PDE4D: variants seen among roughly 807,000 people sequenced by gnomAD.
The protein encoded by PDE4D is phosphodiesterase 4D, also known as 3',5'-cyclic-AMP phosphodiesterase 4D.
In PDE4D, 24 loss-of-function variants were observed where a neutral mutation model predicts 87.4. That is an observed-to-expected ratio of 0.27 (90% CI 0.20 to 0.39). PDE4D has a LOEUF of 0.39. Among genes scored for constraint, PDE4D ranks in the 10% least tolerant of loss-of-function variants. The pLI, the probability that PDE4D is intolerant of heterozygous loss-of-function variation, is 1.00. For missense variants in PDE4D, 714 were observed against 1,041.0 expected (o/e 0.69, Z 4.32); for synonymous variants, 384 against 383.2 (o/e 1.00, Z -0.02).
intron 1 of PDE4D, among the ~76,000 whole-genome samples, chr5:59,295,769 C>T (rs777569754): frequency 6.6e-6 from 1 of 151,760 alleles, no homozygotes; most frequent in Non-Finnish European, 1.5e-5. Flanking sequence ...CTCCATTCTC[C>T]TCCTCCTACC....
chr5:59,185,648 C>A (rs1046440871), intron 3 of PDE4D, among the ~76,000 whole-genome samples: 16 of 152,084 alleles, frequency 1.1e-4, no homozygotes, highest in African/African-American at 3.9e-4. Flanking sequence ...TCCCTACTCC[C>A]AAATCTCTTC....
At chr5:59,650,898 G>A (rs1013038048) in intron 1 of PDE4D, among the ~76,000 whole-genome samples, 14 of 152,230 alleles carry the variant, frequency 9.2e-5, no homozygotes, top group Admixed American at 3.3e-4. Flanking sequence ...CAGCCCAAAT[G>A]AATGTGTTGT....
intron 1 of PDE4D, among the ~76,000 whole-genome samples, chr5:60,363,900 G>A (rs1478518873): frequency 6.6e-6 from 1 of 152,332 alleles, no homozygotes; most frequent in South Asian, 2.1e-4. Context: ...AAGAGCTTCA[G>A]TAGTTCAAGA....
At chr5:60,017,323 G>T (rs769992908) in intron 2 of PDE4D, among the ~76,000 whole-genome samples, 2 of 152,034 alleles carry the variant, frequency 1.3e-5, no homozygotes, top group African/African-American at 4.8e-5. Flanking sequence ...TTGGATACAC[G>T]TGCAGGACAT....
intron 1 of PDE4D, among the ~76,000 whole-genome samples, chr5:60,302,885 C>G (rs994332317): frequency 2.6e-5 from 4 of 152,158 alleles, no homozygotes; most frequent in Admixed American, 6.5e-5. Context: ...GGCTGGAGTG[C>G]AGTGGCACAA....
At chr5:59,742,876 T>C (rs1177633283) in intron 1 of PDE4D, among the ~76,000 whole-genome samples, 2 of 152,216 alleles carry the variant, frequency 1.3e-5, no homozygotes, top group Non-Finnish European at 2.9e-5. Flanking sequence ...TAGTTAATAT[T>C]TATTTTGAAA....
At chr5:60,227,085 A>G (rs77005421) in intron 1 of PDE4D, among the ~76,000 whole-genome samples, 2,694 of 152,256 alleles carry the variant, frequency 0.018, 64 homozygotes, top group African/African-American at 0.053. Context: ...ACATACACAC[A>G]TATGCACATA....
chr5:59,072,322 A>C (rs1764983611), intron 5 of PDE4D, among the ~76,000 whole-genome samples: 1 of 152,126 alleles, frequency 6.6e-6, no homozygotes, highest in African/African-American at 2.4e-5. Flanking sequence ...GGGACTTTCA[A>C]CCTTCGGAAT....
Position 58,972,421 on chromosome 5 carries a change from A to G in PDE4D, c.*2243T>C, listed in dbSNP as rs191053576. The G allele has an allele frequency of 1.3e-5, 2 of 151,948 alleles. No individual in the cohort carries two copies. Among genetic ancestry groups the G allele is most frequent in the African/African-American group, 4.8e-5 (2 of 41,562 alleles). 9.4% of individuals were successfully genotyped at this position (151,948 alleles called of 1,614,324 possible). ...TGTAAAAGATCAGAGTTATAAAGAC[A>G]TAATTTTTATTTCAAAGGATCTAAG... On this transcript the variant is annotated 3_prime_UTR_variant, in exon 15 of 15. Transcript: ENST00000340635.
intron 6 of PDE4D, among the ~76,000 whole-genome samples, chr5:59,024,245 G>C (rs1028424331): frequency 7.6e-6 from 1 of 131,432 alleles, no homozygotes; most frequent in Non-Finnish European, 1.6e-5. Flanking sequence ...CTGTCACCCA[G>C]GCTGGAGTGC....
chr5:59,683,816 A>C (rs1749421641), intron 1 of PDE4D, among the ~76,000 whole-genome samples: 1 of 152,196 alleles, frequency 6.6e-6, no homozygotes, highest in African/African-American at 2.4e-5. Context: ...TGTTTGGTAG[A>C]ATCATACCAT....
intron 1 of PDE4D, among the ~76,000 whole-genome samples, chr5:59,857,851 AAGG>A (rs1447911382): frequency 6.9e-6 from 1 of 145,858 alleles, no homozygotes; most frequent in Non-Finnish European, 1.5e-5. Context: ...AAATGGAGGA[AAGG>A]AGGGAGAGCA....
In PDE4D at chr5:59,706,889, C is replaced by T. The variant is rs186145976; in HGVS notation, c.455+186279G>A. Among the ~76,000 whole-genome samples the T allele has an allele frequency of 6.4e-4, 98 of 152,166 alleles. 2 individuals are homozygous for T. The highest frequency in any genetic ancestry group is 2.3e-3 in the African/African-American group (96 of 41,522). ...TAAAACCTAAAGAAAATGGTATCCACATCAGTGATGCTCAATTGCTTTTTA... is the reference window on the plus strand; with the variant it reads ...TAAAACCTAAAGAAAATGGTATCCATATCAGTGATGCTCAATTGCTTTTTA... On this transcript the variant is annotated intron_variant, in intron 1 of 14. Transcript: ENST00000340635.
chr5:60,050,680 T>C (rs1198992591), intron 2 of PDE4D, among the ~76,000 whole-genome samples: 1 of 152,114 alleles, frequency 6.6e-6, no homozygotes, highest in Non-Finnish European at 1.5e-5. Flanking sequence ...AATTCACACA[T>C]AACAATATTA....
chr5:59,180,744 T>A, intron 4 of PDE4D, 100 bp from the exon 5 acceptor site: 1 of 1,161,498 alleles, frequency 8.6e-7, no homozygotes. Context: ...TTTAAAGAAT[T>A]ATTTTTAAGT....
chr5:59,788,143 T>A (rs1268827073), intron 1 of PDE4D, among the ~76,000 whole-genome samples: 1 of 152,316 alleles, frequency 6.6e-6, no homozygotes, highest in Non-Finnish European at 1.5e-5. Context: ...ATAGACATCA[T>A]GGAAGACTTT....
intron 1 of PDE4D, among the ~76,000 whole-genome samples, chr5:59,821,292 A>G (rs1161687235): frequency 3.9e-5 from 6 of 152,178 alleles, no homozygotes; most frequent in Admixed American, 2.6e-4. Flanking sequence ...AAAGAAATAG[A>G]AAATTAGGAT....
At chr5:59,401,470 A>G (rs2591752) in intron 1 of PDE4D, among the ~76,000 whole-genome samples, 8 of 67,306 alleles carry the variant, frequency 1.2e-4, no homozygotes, top group Non-Finnish European at 2.2e-4. Flanking sequence ...CTATCTATCT[A>G]TCTATCTATC....
intron 1 of PDE4D, among the ~76,000 whole-genome samples, chr5:59,594,197 C>T (rs1422163131): frequency 2.0e-5 from 3 of 151,626 alleles, no homozygotes; most frequent in Admixed American, 6.6e-5. Context: ...ATCCAGAGGC[C>T]CAGGCTCACC....
Sources: gnomAD v4.1 joint callset for allele counts (sites outside exome capture counted in the v4.1 genomes callset) on GRCh38, gnomAD v4.1.1 for gene constraint, MANE v1.5 for transcripts, NCBI Gene and HGNC (gene_info 2026-07-23, HGNC 2026-07-21) for gene names.